Variants in DYNAP observed in about 807,000 individuals in gnomAD.
DYNAP encodes the protein dynactin associated protein, also known as dynactin-associated protein.
In DYNAP, 7 loss-of-function variants were observed where a neutral mutation model predicts 8.5. The observed-to-expected ratio is 0.82, with a 90% CI of 0.47 to 1.54. The LOEUF is 1.54. Ranked by LOEUF, DYNAP falls within the 40% of genes most tolerant of loss-of-function variation. DYNAP has a pLI of 0.01. For missense variants in DYNAP, 256 were observed against 224.3 expected (o/e 1.14, Z -0.90); for synonymous variants, 77 against 77.9 (o/e 0.99, Z 0.06).
At chr18:54,593,198 C>A (rs1911150710) in intron 1 of DYNAP, among the ~76,000 whole-genome samples, 2 of 152,014 alleles carry the variant, frequency 1.3e-5, no homozygotes, top group African/African-American at 2.4e-5. Flanking sequence ...TATTTAATGA[C>A]AATTTTATAT....
the DYNAP span, among the ~76,000 whole-genome samples, chr18:54,575,654 A>T: frequency 6.6e-6 from 1 of 151,560 alleles, no homozygotes; most frequent in Non-Finnish European, 1.5e-5. Context: ...GCCCAGGCTG[A>T]TCTCGAACTC....
chr18:54,581,876 T>A, the DYNAP span, among the ~76,000 whole-genome samples: 37 of 152,348 alleles, frequency 2.4e-4, no homozygotes, highest in East Asian at 5.8e-3. Flanking sequence ...TCCACAAGAA[T>A]ATTTTTTAAA....
chr18:54,594,723 A>G (rs1171759146), intron 1 of DYNAP, among the ~76,000 whole-genome samples: 2 of 152,190 alleles, frequency 1.3e-5, no homozygotes, highest in African/African-American at 4.8e-5. Context: ...GGAAGAGGAT[A>G]CACATTCCTG....
At chr18:54,579,406 C>T in the DYNAP span, among the ~76,000 whole-genome samples, 1 of 152,106 alleles carries the variant, frequency 6.6e-6, no homozygotes, top group Admixed American at 6.6e-5. Flanking sequence ...TCTTTGAAAA[C>T]CAGAAATTAA....
At chr18:54,582,311 T>A in the DYNAP span, among the ~76,000 whole-genome samples, 54 of 152,124 alleles carry the variant, frequency 3.5e-4, no homozygotes, top group Non-Finnish European at 7.1e-4. Flanking sequence ...GATCCAAGTC[T>A]TTTCCATCTG....
upstream of DYNAP, among the ~76,000 whole-genome samples, chr18:54,584,800 G>C (rs1270157115): frequency 6.6e-6 from 1 of 152,098 alleles, no homozygotes; most frequent in African/African-American, 2.4e-5. Context: ...TGGGAATGTG[G>C]CTATTTATAC....
chr18:54,596,281 C>T (rs1911284871), intron 2 of DYNAP, among the ~76,000 whole-genome samples: 1 of 151,972 alleles, frequency 6.6e-6, no homozygotes, highest in Non-Finnish European at 1.5e-5. Context: ...CCATGTAGCC[C>T]AGGTTGGTCT....
At chr18:54,592,839 C>G (rs974735994) in intron 1 of DYNAP, among the ~76,000 whole-genome samples, 1 of 152,080 alleles carries the variant, frequency 6.6e-6, no homozygotes, top group Non-Finnish European at 1.5e-5. Flanking sequence ...ACCCACCCAT[C>G]ACCTTCCTCT....
upstream of DYNAP, chr18:54,591,159 G>A (rs760221730): frequency 1.6e-5 from 25 of 1,582,986 alleles, no homozygotes; most frequent in South Asian, 2.8e-4. Flanking sequence ...ATCCACACTT[G>A]TACTGATGCA....
At chr18:54,590,223 T>C (rs1158586458), upstream of DYNAP, among the ~76,000 whole-genome samples, 1 of 152,172 alleles carries the variant, frequency 6.6e-6, no homozygotes, top group Non-Finnish European at 1.5e-5. Context: ...CTCTATGATT[T>C]TGACTATTCT....
At chr18:54,582,131 A>G in the DYNAP span, among the ~76,000 whole-genome samples, 2 of 152,128 alleles carry the variant, frequency 1.3e-5, no homozygotes, top group Non-Finnish European at 2.9e-5. Flanking sequence ...CTAAAAATAC[A>G]AAAAATTAGC....
At chr18:54,582,419 A>C in the DYNAP span, among the ~76,000 whole-genome samples, 1 of 152,254 alleles carries the variant, frequency 6.6e-6, no homozygotes, top group East Asian at 1.9e-4. Context: ...AGAAATAAAA[A>C]TATTCTGGAA....
chr18:54,579,381 CAAAT>C, the DYNAP span, among the ~76,000 whole-genome samples: 12,366 of 152,086 alleles, frequency 0.081, 818 homozygotes, highest in African/African-American at 0.18. Flanking sequence ...TTTCAAAACT[CAAAT>C]AATTCTGTTA....
At chr18:54,593,757 G>C (rs1019893269) in intron 1 of DYNAP, among the ~76,000 whole-genome samples, 1 of 151,940 alleles carries the variant, frequency 6.6e-6, no homozygotes, top group Non-Finnish European at 1.5e-5. Context: ...AGACCCCATC[G>C]CTATGAAAAA....
the DYNAP span, among the ~76,000 whole-genome samples, chr18:54,582,215 G>A: frequency 6.6e-6 from 1 of 152,122 alleles, no homozygotes; most frequent in South Asian, 2.1e-4. Flanking sequence ...GAACCCGGGA[G>A]GTGGAGGTTG....
chr18:54,595,753 A>G (rs1321463671), intron 2 of DYNAP, among the ~76,000 whole-genome samples: 1 of 152,116 alleles, frequency 6.6e-6, no homozygotes, highest in Non-Finnish European at 1.5e-5. Context: ...TTGTATAGAA[A>G]TTTAACATTG....
At chr18:54,582,388 T>G in the DYNAP span, among the ~76,000 whole-genome samples, 117 of 152,306 alleles carry the variant, frequency 7.7e-4, no homozygotes, top group Non-Finnish European at 1.1e-3. Flanking sequence ...GTTTTCTAAT[T>G]TGTAATTTCT....
chr18:54,588,087 C>T (rs887844194), upstream of DYNAP, among the ~76,000 whole-genome samples: 4 of 152,074 alleles, frequency 2.6e-5, no homozygotes, highest in East Asian at 1.9e-4. Context: ...GTCAAGCTTT[C>T]GATAAAGAAA....
At chr18:54,584,749 T>C (rs1376276736), upstream of DYNAP, among the ~76,000 whole-genome samples, 2 of 152,210 alleles carry the variant, frequency 1.3e-5, no homozygotes, top group Non-Finnish European at 2.9e-5. Flanking sequence ...AAAACAATGT[T>C]ATCACTTAAA....
Sources: allele counts gnomAD v4.1 joint callset (sites outside exome capture counted in the v4.1 genomes callset), GRCh38; gene constraint gnomAD v4.1.1; transcripts MANE v1.5; gene names NCBI Gene and HGNC (gene_info 2026-07-23, HGNC 2026-07-21).